Variants in XPR1 observed in about 807,000 individuals in gnomAD.
XPR1 encodes solute carrier family 53 member 1.
Under a neutral mutation model 87.5 loss-of-function variants are expected in XPR1, and 28 were observed. The observed-to-expected ratio is 0.32, with a 90% CI of 0.24 to 0.44. The LOEUF (loss-of-function observed/expected upper bound fraction) is 0.44, where lower values mean the gene tolerates loss of function less well. Ranked by LOEUF, XPR1 falls within the 20% of genes least tolerant of loss-of-function variation. The pLI, the probability that XPR1 is intolerant of heterozygous loss-of-function variation, is 1.00. For synonymous variants in XPR1, 300 were observed against 306.1 expected (o/e 0.98, Z 0.21); for missense variants, 559 against 862.3 (o/e 0.65, Z 4.41).
intron 3 of XPR1, among the ~76,000 whole-genome samples, chr1:180,796,092 G>A (rs1291986575): frequency 6.6e-6 from 1 of 152,160 alleles, no homozygotes; most frequent in Non-Finnish European, 1.5e-5. Flanking sequence ...ACAGGCGTGA[G>A]CGACTGCGCC....
At chr1:180,786,091 T>C (rs1000731454) in intron 2 of XPR1, among the ~76,000 whole-genome samples, 1 of 152,028 alleles carries the variant, frequency 6.6e-6, no homozygotes, top group Admixed American at 6.6e-5. Flanking sequence ...CCTGTTTTAC[T>C]CTAGAATCAA....
intron 1 of XPR1, among the ~76,000 whole-genome samples, chr1:180,643,945 G>A (rs1245464170): frequency 1.3e-5 from 2 of 152,124 alleles, no homozygotes; most frequent in African/African-American, 2.4e-5. Context: ...TTACTCTGAT[G>A]AATTCGGTGT....
intron 2 of XPR1, among the ~76,000 whole-genome samples, chr1:180,689,359 GTC>G (rs1571727274): frequency 1.3e-5 from 2 of 152,180 alleles, no homozygotes; most frequent in East Asian, 3.9e-4. Context: ...ATTTCCTTGT[GTC>G]TCTATTTTTA....
intron 2 of XPR1, among the ~76,000 whole-genome samples, chr1:180,759,180 G>T (rs991745515): frequency 3.9e-5 from 6 of 152,114 alleles, no homozygotes; most frequent in Non-Finnish European, 7.3e-5. Flanking sequence ...ATCTAAAATT[G>T]ACACCCTAAC....
At chr1:180,727,173 C>T (rs1464755713) in intron 2 of XPR1, among the ~76,000 whole-genome samples, 3 of 151,918 alleles carry the variant, frequency 2.0e-5, no homozygotes, top group African/African-American at 7.3e-5. Flanking sequence ...TGGCCGTATG[C>T]TTTAATCTCT....
chr1:180,723,489 C>G (rs904418122), intron 2 of XPR1, among the ~76,000 whole-genome samples: 1 of 152,150 alleles, frequency 6.6e-6, no homozygotes, highest in South Asian at 2.1e-4. Context: ...TAAAACTCTA[C>G]ATAAAGAACT....
intron 2 of XPR1, among the ~76,000 whole-genome samples, chr1:180,749,017 A>G (rs1203485874): frequency 1.3e-5 from 2 of 152,244 alleles, no homozygotes; most frequent in Non-Finnish European, 2.9e-5. Flanking sequence ...TGGGTAATAT[A>G]GCGAGACCTT....
chr1:180,877,426 T>C (rs943562907), intron 13 of XPR1, among the ~76,000 whole-genome samples: 3 of 152,022 alleles, frequency 2.0e-5, no homozygotes, highest in Admixed American at 2.0e-4. Context: ...TACATAACAG[T>C]GGAAAAAGAG....
chr1:180,883,659 A>T (rs185675641), intron 14 of XPR1, among the ~76,000 whole-genome samples: 3 of 149,942 alleles, frequency 2.0e-5, no homozygotes, highest in Non-Finnish European at 4.4e-5. Context: ...CAGTGAGCTG[A>T]GATTATGCCA....
At chr1:180,672,343 C>CTA (rs1656209103) in intron 1 of XPR1, among the ~76,000 whole-genome samples, 1 of 152,092 alleles carries the variant, frequency 6.6e-6, no homozygotes, top group Admixed American at 6.5e-5. Context: ...TAGGCTTTAG[C>CTA]TTGTTAAGTA....
At chr1:180,836,886 C>T (rs1474440038) in intron 11 of XPR1, among the ~76,000 whole-genome samples, 170 bp downstream of exon 11, 1 of 152,056 alleles carries the variant, frequency 6.6e-6, no homozygotes, top group Non-Finnish European at 1.5e-5. Flanking sequence ...AGTCTCATTC[C>T]AGTATCTACT....
chr1:180,805,492 C>G (rs1649960004), intron 4 of XPR1, among the ~76,000 whole-genome samples: 1 of 152,142 alleles, frequency 6.6e-6, no homozygotes. Flanking sequence ...TCTACTTACT[C>G]TTCTTAGCAC....
chr1:180,806,287 G>T, intron 5 of XPR1, 76 bp downstream of exon 5: 1 of 1,565,880 alleles, frequency 6.4e-7, no homozygotes, highest in Non-Finnish European at 8.7e-7. Flanking sequence ...CCTTATTTCT[G>T]TTATTTTGTA....
intron 2 of XPR1, 57 bp from the exon 3 acceptor site, chr1:180,787,696 A>T: frequency 8.3e-7 from 1 of 1,197,772 alleles, no homozygotes; most frequent in Non-Finnish European, 1.2e-6. Flanking sequence ...TTGTTTCCTT[A>T]GTTTTCTCAA....
intron 2 of XPR1, among the ~76,000 whole-genome samples, chr1:180,762,032 A>G (rs1335767165): frequency 1.3e-5 from 2 of 150,524 alleles, no homozygotes; most frequent in Non-Finnish European, 1.5e-5. Context: ...CAAAAAACCA[A>G]ACACCGCATG....
At chr1:180,697,827 A>AT (rs2101966465) in intron 2 of XPR1, among the ~76,000 whole-genome samples, 1 of 152,124 alleles carries the variant, frequency 6.6e-6, no homozygotes, top group Non-Finnish European at 1.5e-5. Flanking sequence ...CATTATTTTG[A>AT]TTTTTTAAAA....
intron 1 of XPR1, among the ~76,000 whole-genome samples, chr1:180,637,726 G>A (rs1307033718): frequency 3.3e-5 from 5 of 152,058 alleles, no homozygotes; most frequent in Non-Finnish European, 7.4e-5. Context: ...GCTAATTTTT[G>A]TATTTTTAGT....
chr1:180,654,686 T>G (rs1655397194), intron 1 of XPR1, among the ~76,000 whole-genome samples: 1 of 152,220 alleles, frequency 6.6e-6, no homozygotes, highest in Non-Finnish European at 1.5e-5. Flanking sequence ...TTGTGATGCA[T>G]TACATCACTT....
intron 2 of XPR1, among the ~76,000 whole-genome samples, chr1:180,747,687 T>TTTC (rs1252301817): frequency 6.6e-6 from 1 of 152,160 alleles, no homozygotes; most frequent in Non-Finnish European, 1.5e-5. Context: ...CTCTACAAGG[T>TTTC]AGAAGCAATG....
Sources: allele counts gnomAD v4.1 joint callset (sites outside exome capture counted in the v4.1 genomes callset), GRCh38; gene constraint gnomAD v4.1.1; transcripts MANE v1.5; gene names NCBI Gene and HGNC (gene_info 2026-07-23, HGNC 2026-07-21).